FMNL2: variants seen among roughly 807,000 people sequenced by gnomAD.
The protein encoded by FMNL2 is formin-like protein 2.
FMNL2 carries 51 observed loss-of-function variants against 130.2 expected under a neutral mutation model. That is an observed-to-expected ratio of 0.39 (90% confidence interval 0.31 to 0.49). The LOEUF (loss-of-function observed/expected upper bound fraction) is 0.49, where lower values mean the gene tolerates loss of function less well. Ranked by LOEUF, FMNL2 falls within the 20% of genes least tolerant of loss-of-function variation. The probability of loss-of-function intolerance (pLI) is 0.85; values close to 1 mark genes in which losing one functional copy is unlikely to be tolerated. For missense variants in FMNL2, 977 were observed against 1,316.2 expected (o/e 0.74, Z 3.99); for synonymous variants, 465 against 467.1 (o/e 1.00, Z 0.06).
intron 1 of FMNL2, among the ~76,000 whole-genome samples, chr2:152,357,081 G>A (rs548521957): frequency 2.1e-4 from 22 of 104,714 alleles, no homozygotes; most frequent in Non-Finnish European, 3.6e-4. Context: ...AATATATCAC[G>A]ATAAATATTA....
chr2:152,572,566 T>G (rs1443538704), intron 6 of FMNL2, among the ~76,000 whole-genome samples: 1 of 152,120 alleles, frequency 6.6e-6, no homozygotes, highest in African/African-American at 2.4e-5. Flanking sequence ...TCCCAGCACT[T>G]TGGGAGGCCA....
chr2:152,601,663 T>C (rs1382008942), intron 9 of FMNL2, among the ~76,000 whole-genome samples: 30 of 81,064 alleles, frequency 3.7e-4, no homozygotes, highest in Non-Finnish European at 7.7e-4. Context: ...TTTTCTTTTC[T>C]TTTCTTTCTT....
chr2:152,480,804 CA>C (rs1009899619), intron 1 of FMNL2, among the ~76,000 whole-genome samples: 4 of 152,090 alleles, frequency 2.6e-5, no homozygotes, highest in African/African-American at 9.7e-5. Flanking sequence ...CAGATGCATG[CA>C]GTAAAAAATG....
chr2:152,585,718 T>C (rs2105746297), intron 9 of FMNL2, among the ~76,000 whole-genome samples: 1 of 152,304 alleles, frequency 6.6e-6, no homozygotes, highest in South Asian at 2.1e-4. Flanking sequence ...CATAAAACTC[T>C]TATCTACTGG....
chr2:152,343,587 C>A (rs1681938886), intron 1 of FMNL2, among the ~76,000 whole-genome samples: 1 of 152,112 alleles, frequency 6.6e-6, no homozygotes, highest in Non-Finnish European at 1.5e-5. Context: ...TAAGCCACCA[C>A]ACCCGGCTTA....
rs1250109987 is a variant in FMNL2, at chr2:152,619,536, TGCCACC to T, written c.1659_1664del (p.Pro572_Pro573del). On this transcript the variant is annotated inframe_deletion, in exon 15 of 26. Transcript: ENST00000288670. ...CAAAATGGTCCAGTAACACCACCTA[TGCCACC>T]GCCGCCGCCGCCCCCTCCTCCACCT... 6.6e-7 allele frequency: 1 copy of T among 1,504,992 alleles called. No individual in the cohort carries two copies. The highest frequency in any genetic ancestry group is 2.6e-5 in the East Asian group (1 of 39,052). The allele number at this position is 1,504,992 out of a possible 1,614,324, so 93.2% of individuals were successfully genotyped here.
chr2:152,585,920 C>CA (rs34744900), intron 9 of FMNL2, among the ~76,000 whole-genome samples: 2,807 of 129,954 alleles, frequency 0.022, 19 homozygotes, highest in Non-Finnish European at 0.028. Context: ...AAAGGTTTGG[C>CA]AAAAAAAAAA....
chr2:152,375,875 C>CTATATATATATATATG (rs71394478), intron 1 of FMNL2, among the ~76,000 whole-genome samples: 1 of 112,834 alleles, frequency 8.9e-6, no homozygotes, highest in Non-Finnish European at 1.7e-5. Context: ...CTCTCTCTCT[C>CTATATATATATATATG]TCTATATATA....
At chr2:152,370,102 C>G (rs1683789287) in intron 1 of FMNL2, among the ~76,000 whole-genome samples, 1 of 152,124 alleles carries the variant, frequency 6.6e-6, no homozygotes, top group African/African-American at 2.4e-5. Context: ...TGGCTTCATA[C>G]CTTTTGTCTT....
chr2:152,508,091 T>C (rs1353125311), intron 1 of FMNL2, among the ~76,000 whole-genome samples: 1 of 152,196 alleles, frequency 6.6e-6, no homozygotes, highest in African/African-American at 2.4e-5. Context: ...CCCAACCATG[T>C]GCAATAACAG....
At position 152,587,003 on chromosome 2, in the gene FMNL2, C is replaced by T. The variant is rs114088926; in HGVS notation, c.876+5954C>T. On this transcript the variant is annotated intron_variant, in intron 9 of 25. Coordinates refer to ENST00000288670, the MANE Select transcript of FMNL2 (RefSeq NM_052905.4). ...CAGTCCATCTGGAGGCTGTTTCACC[C>T]ACATACCTAGTTTTTGAGCTATGAT... Among the ~76,000 whole-genome samples, 373 of 152,242 alleles carry T rather than the reference C, an allele frequency of 2.5e-3. 2 individuals carry two copies. The highest frequency in any genetic ancestry group is 8.5e-3 in the African/African-American group (355 of 41,546).
chr2:152,576,433 A>G (rs373493539), intron 7 of FMNL2, among the ~76,000 whole-genome samples: 15 of 152,324 alleles, frequency 9.8e-5, no homozygotes, highest in African/African-American at 3.1e-4. Flanking sequence ...CTTACATGTT[A>G]CACTTTTCAG....
intron 1 of FMNL2, among the ~76,000 whole-genome samples, chr2:152,338,173 GGGCAATGGAAATTGTGTT>G (rs2105713967): frequency 6.6e-6 from 1 of 152,246 alleles, no homozygotes; most frequent in East Asian, 1.9e-4. Context: ...TGTATGTGGA[GGGCAATGGAAATTGTGTT>G]GGCATTATTG....
chr2:152,637,504 C>A, intron 22 of FMNL2, 69 bp from the exon 23 acceptor site: 3 of 1,231,802 alleles, frequency 2.4e-6, no homozygotes, highest in Non-Finnish European at 3.6e-6. Context: ...TTTGCATCAG[C>A]GTTCCCCCTA....
intron 1 of FMNL2, among the ~76,000 whole-genome samples, chr2:152,432,082 A>C (rs549170821): frequency 4.5e-4 from 69 of 151,734 alleles, no homozygotes; most frequent in African/African-American, 1.6e-3. Context: ...ATATACACAT[A>C]CAATTTTATG....
At chr2:152,405,520 T>C (rs1292355254) in intron 1 of FMNL2, among the ~76,000 whole-genome samples, 1 of 152,224 alleles carries the variant, frequency 6.6e-6, no homozygotes, top group Non-Finnish European at 1.5e-5. Context: ...CTTAAAGCTC[T>C]TGTGATGTCT....
chr2:152,351,530 C>T (rs558867659), intron 1 of FMNL2, among the ~76,000 whole-genome samples: 1 of 152,312 alleles, frequency 6.6e-6, no homozygotes, highest in East Asian at 1.9e-4. Flanking sequence ...AGGCCATGAA[C>T]TCATCCTTTT....
chr2:152,445,215 GTCT>G (rs762809851), intron 1 of FMNL2, among the ~76,000 whole-genome samples: 5 of 152,314 alleles, frequency 3.3e-5, no homozygotes, highest in South Asian at 2.1e-4. Flanking sequence ...GGGCAACAGT[GTCT>G]TCTTCTTCCA....
intron 9 of FMNL2, among the ~76,000 whole-genome samples, chr2:152,591,390 T>TACCACC (rs1415551504): frequency 1.3e-5 from 2 of 152,226 alleles, no homozygotes; most frequent in African/African-American, 4.8e-5. Flanking sequence ...CTCTCCAGAC[T>TACCACC]ACCACCTTTT....
Sources: gnomAD v4.1 joint callset for allele counts (sites outside exome capture counted in the v4.1 genomes callset) on GRCh38, gnomAD v4.1.1 for gene constraint, MANE v1.5 for transcripts, NCBI Gene and HGNC (gene_info 2026-07-23, HGNC 2026-07-21) for gene names.